GALNT13: variants seen among roughly 807,000 people sequenced by gnomAD.
GALNT13 encodes UDP-GalNAc:polypeptide N-acetylgalactosaminyltransferase 13.
In GALNT13, 28 loss-of-function variants were observed where a neutral mutation model predicts 64.2. The ratio of observed to expected loss-of-function variants is 0.44; its 90% CI spans 0.32 to 0.60. GALNT13 has a LOEUF of 0.60. GALNT13 is among the 20% of genes least tolerant of loss of function. The probability of loss-of-function intolerance (pLI) is 0.05; values close to 1 mark genes in which losing one functional copy is unlikely to be tolerated. For synonymous variants in GALNT13, 214 were observed against 224.6 expected, an observed-to-expected ratio of 0.95 and a Z score of 0.42; for missense variants, 577 against 669.8, an observed-to-expected ratio of 0.86 and a Z score of 1.53.
chr2:153,884,037 G>A (rs1471165519), intron 1 of GALNT13, among the ~76,000 whole-genome samples: 1 of 151,876 alleles, frequency 6.6e-6, no homozygotes. Context: ...GAGAGTTGAA[G>A]GAAAGGTTAG....
the GALNT13 span, chr2:153,593,318 TC>T: frequency 6.6e-6 from 1 of 152,190 alleles, no homozygotes; most frequent in African/African-American, 2.4e-5. Flanking sequence ...TTTCTCCACT[TC>T]CCTGACAACC....
chr2:153,660,793 G>A, the GALNT13 span, among the ~76,000 whole-genome samples: 3 of 151,924 alleles, frequency 2.0e-5, no homozygotes, highest in African/African-American at 7.2e-5. Context: ...AGAGAAAAGA[G>A]CAAGAGGTAG....
the GALNT13 span, among the ~76,000 whole-genome samples, chr2:153,222,056 A>C: frequency 6.6e-6 from 1 of 151,930 alleles, no homozygotes; most frequent in African/African-American, 2.4e-5. Flanking sequence ...CAGCTCTTTC[A>C]GTCCAGCCAT....
chr2:153,514,462 A>C, the GALNT13 span, among the ~76,000 whole-genome samples: 1 of 152,138 alleles, frequency 6.6e-6, no homozygotes, highest in Non-Finnish European at 1.5e-5. Flanking sequence ...CAAACCTGTC[A>C]GTCACTTTTT....
chr2:153,081,893 G>A, the GALNT13 span, among the ~76,000 whole-genome samples: 1 of 152,110 alleles, frequency 6.6e-6, no homozygotes, highest in Non-Finnish European at 1.5e-5. Context: ...CAAGCAATGG[G>A]ATTTGGCTGG....
intron 9 of GALNT13, among the ~76,000 whole-genome samples, chr2:154,302,578 C>A (rs1428539173): frequency 6.6e-6 from 1 of 152,256 alleles, no homozygotes; most frequent in Middle Eastern, 3.4e-3. Context: ...TACTCTGAAC[C>A]AAATTTGAGT....
At chr2:154,114,214 C>T (rs937122077) in intron 3 of GALNT13, among the ~76,000 whole-genome samples, 2 of 152,094 alleles carry the variant, frequency 1.3e-5, no homozygotes, top group Non-Finnish European at 1.5e-5. Context: ...TTCCATTTTG[C>T]CTTTCCCACC....
chr2:154,225,912 G>C (rs1337577747), intron 4 of GALNT13, among the ~76,000 whole-genome samples: 1 of 152,060 alleles, frequency 6.6e-6, no homozygotes, highest in East Asian at 1.9e-4. Flanking sequence ...TGGGTGTGGG[G>C]CAGGACCCTC....
chr2:153,379,233 G>T, the GALNT13 span, among the ~76,000 whole-genome samples: 1 of 152,092 alleles, frequency 6.6e-6, no homozygotes, highest in African/African-American at 2.4e-5. Flanking sequence ...AAATAATGTT[G>T]CTTTTAAAAT....
chr2:153,161,915 C>T, the GALNT13 span, among the ~76,000 whole-genome samples: 7 of 152,220 alleles, frequency 4.6e-5, no homozygotes, highest in East Asian at 3.9e-4. Flanking sequence ...GAAAGAATGG[C>T]GGGAAGGCAG....
chr2:153,712,516 C>G, the GALNT13 span, among the ~76,000 whole-genome samples: 1 of 151,944 alleles, frequency 6.6e-6, no homozygotes, highest in Non-Finnish European at 1.5e-5. Flanking sequence ...AAAAAATGAG[C>G]AAATAAGTTA....
intron 3 of GALNT13, among the ~76,000 whole-genome samples, chr2:153,952,121 T>C (rs1246793654): frequency 2.0e-5 from 3 of 152,172 alleles, no homozygotes; most frequent in Non-Finnish European, 4.4e-5. Flanking sequence ...CTAAATGGTA[T>C]GGAATACTAA....
At chr2:153,820,332 T>A in the GALNT13 span, among the ~76,000 whole-genome samples, 1 of 151,998 alleles carries the variant, frequency 6.6e-6, no homozygotes, top group Non-Finnish European at 1.5e-5. Context: ...TTCAAGAAAA[T>A]TTCCCTAATA....
At chr2:153,376,645 T>A in the GALNT13 span, among the ~76,000 whole-genome samples, 1 of 152,160 alleles carries the variant, frequency 6.6e-6, no homozygotes, top group Admixed American at 6.6e-5. Context: ...AGGTTAAAAA[T>A]TCTTGCTGAG....
the GALNT13 span, chr2:153,173,193 G>A: frequency 6.6e-6 from 1 of 152,092 alleles, no homozygotes; most frequent in Non-Finnish European, 1.5e-5. Flanking sequence ...CTTTGGAAAA[G>A]CAGAGTAGAA....
chr2:153,203,247 T>C, the GALNT13 span, among the ~76,000 whole-genome samples: 12 of 152,346 alleles, frequency 7.9e-5, no homozygotes, highest in African/African-American at 2.9e-4. Flanking sequence ...CAATTTAGTT[T>C]TTCCTGGTAA....
chr2:153,905,803 C>G (rs563935877), intron 2 of GALNT13, among the ~76,000 whole-genome samples: 1 of 151,960 alleles, frequency 6.6e-6, no homozygotes, highest in South Asian at 2.1e-4. Flanking sequence ...TTCAAATTGC[C>G]AACATCACCA....
the GALNT13 span, among the ~76,000 whole-genome samples, chr2:153,299,530 C>T: frequency 6.6e-6 from 1 of 152,176 alleles, no homozygotes; most frequent in Admixed American, 6.5e-5. Context: ...ATCTGACAGC[C>T]CTATAGCCTT....
the GALNT13 span, among the ~76,000 whole-genome samples, chr2:153,440,391 A>G: frequency 6.0e-4 from 91 of 152,258 alleles, no homozygotes; most frequent in African/African-American, 2.0e-3. Flanking sequence ...TGCTGTTGTG[A>G]ACAGTGTTGC....
Sources: allele counts gnomAD v4.1 joint callset (sites outside exome capture counted in the v4.1 genomes callset), GRCh38; gene constraint gnomAD v4.1.1; transcripts MANE v1.5; gene names NCBI Gene and HGNC (gene_info 2026-07-23, HGNC 2026-07-21).